The following ZRANB3 variants were observed in gnomAD, a reference collection of about 807,000 sequenced individuals.
ZRANB3 encodes the protein DNA annealing helicase and endonuclease ZRANB3.
Under a neutral mutation model 133.8 loss-of-function variants are expected in ZRANB3, and 125 were observed. That is an observed-to-expected ratio of 0.93 (90% CI 0.81 to 1.08). The LOEUF is 1.08. ZRANB3 is among the 50% of genes least tolerant of loss of function. The probability of loss-of-function intolerance (pLI) is 0.00; values close to 1 mark genes in which losing one functional copy is unlikely to be tolerated. For synonymous variants in ZRANB3, 387 were observed against 432.7 expected (o/e 0.89, Z 1.31); for missense variants, 1,229 against 1,275.5 (o/e 0.96, Z 0.56).
chr2:135,208,971 T>C lies in ZRANB3; in HGVS notation c.2503A>G (p.Thr835Ala). 6.2e-7 allele frequency: 1 copy of C among 1,613,804 alleles called. No individual in the cohort carries two copies. The highest frequency in any genetic ancestry group is 8.5e-7 in the Non-Finnish European group (1 of 1,179,730). Residue 835 changes from threonine to alanine, a missense_variant, in exon 18 of 21, where the codon ACC becomes GCC. Physicochemically the swap from Thr to Ala is moderately conservative, Grantham distance 58. Coordinates refer to ENST00000264159, the MANE Select transcript of ZRANB3 (RefSeq NM_032143.4). ...GAGGCTACGGCAACATCTTCTTTGGTTATGTATCTAAAACAATGATATGTT... is the reference window on the plus strand; with the variant it reads ...GAGGCTACGGCAACATCTTCTTTGGCTATGTATCTAAAACAATGATATGTT... ...TKQNCTKRYI[T>A]KEDVAVASMD...
intron 12 of ZRANB3, among the ~76,000 whole-genome samples, chr2:135,247,476 A>C (rs1306768857): frequency 6.6e-6 from 1 of 152,230 alleles, no homozygotes; most frequent in East Asian, 1.9e-4. Flanking sequence ...AAACAAAACA[A>C]AACACACAAA....
At chr2:135,489,106 T>C (rs891695364) in intron 2 of ZRANB3, among the ~76,000 whole-genome samples, 2 of 151,918 alleles carry the variant, frequency 1.3e-5, no homozygotes, top group Non-Finnish European at 2.9e-5. Context: ...TGTTTCTCAT[T>C]GAATGATGAG....
At chr2:135,206,597 TTGTAA>T (rs1258351720) in intron 19 of ZRANB3, among the ~76,000 whole-genome samples, 1 of 151,660 alleles carries the variant, frequency 6.6e-6, no homozygotes, top group Non-Finnish European at 1.5e-5. Context: ...AATTAAGGAA[TTGTAA>T]TTGTGTTGGG....
At chr2:135,427,047 C>T (rs1280200021) in intron 2 of ZRANB3, among the ~76,000 whole-genome samples, 3 of 150,250 alleles carry the variant, frequency 2.0e-5, no homozygotes, top group Non-Finnish European at 4.4e-5. Context: ...ACAAACTAGG[C>T]ATCAAAGTAA....
At chr2:135,283,532 G>C (rs60183118) in intron 8 of ZRANB3, among the ~76,000 whole-genome samples, 28,611 of 150,872 alleles carry the variant, frequency 0.19, 3,641 homozygotes, top group African/African-American at 0.33. Context: ...ATCACTTGAA[G>C]CCGGGAGGTA....
At chr2:135,269,234 G>T in intron 10 of ZRANB3, 93 bp from the exon 11 acceptor site, 2 of 1,055,336 alleles carry the variant, frequency 1.9e-6, no homozygotes, top group Non-Finnish European at 2.5e-6. Flanking sequence ...AACACTGAAG[G>T]ACTTGAAAAC....
chr2:135,303,026 G>A (rs928168331), intron 8 of ZRANB3, among the ~76,000 whole-genome samples: 4 of 152,090 alleles, frequency 2.6e-5, no homozygotes, highest in African/African-American at 9.7e-5. Context: ...ACAGTGAGAT[G>A]TTTAACAAAG....
intron 2 of ZRANB3, among the ~76,000 whole-genome samples, chr2:135,437,258 T>G (rs921329410): frequency 1.3e-5 from 2 of 152,198 alleles, no homozygotes; most frequent in African/African-American, 4.8e-5. Context: ...GGTGGCATAT[T>G]CTTGATATAG....
chr2:135,285,872 G>C (rs1681335237), intron 8 of ZRANB3, among the ~76,000 whole-genome samples: 1 of 152,082 alleles, frequency 6.6e-6, no homozygotes, highest in Admixed American at 6.5e-5. Flanking sequence ...TCACAAATCT[G>C]AAGAATTTGT....
rs376465730 is a variant in ZRANB3 at position 135,486,050 on chromosome 2, G to T, written c.161+18279C>A. On this transcript the variant is annotated intron_variant, in intron 2 of 20. Transcript: ENST00000264159. The stretch of plus-strand genomic sequence containing the variant: ...TATGGAGAGTGAAGGGTTTTACCTC[G>T]ACGATTGTTGATGGCTGCTGACTAA... Among the ~76,000 whole-genome samples the T allele has an allele frequency of 2.3e-4, 35 of 152,174 alleles. No homozygotes were observed. The East Asian group carries it at 3.5e-3, about 15-fold the overall frequency.
At chr2:135,348,426 T>G (rs1685046124) in intron 5 of ZRANB3, among the ~76,000 whole-genome samples, 1 of 152,132 alleles carries the variant, frequency 6.6e-6, no homozygotes, top group South Asian at 2.1e-4. Flanking sequence ...GTATTTACCC[T>G]TGCTTTGAAT....
intron 15 of ZRANB3, among the ~76,000 whole-genome samples, chr2:135,223,039 G>A (rs970541299): frequency 5.9e-5 from 9 of 151,908 alleles, no homozygotes; most frequent in African/African-American, 2.2e-4. Flanking sequence ...GGATCACAAG[G>A]TCAAGAGGTC....
chr2:135,234,144 C>T (rs146040969), intron 12 of ZRANB3, among the ~76,000 whole-genome samples: 4,047 of 152,222 alleles, frequency 0.027, 171 homozygotes, highest in African/African-American at 0.092. Context: ...CGTTGCAATC[C>T]TAGTCTCGGA....
intron 2 of ZRANB3, among the ~76,000 whole-genome samples, chr2:135,435,522 C>G (rs1689495107): frequency 6.6e-6 from 1 of 152,176 alleles, no homozygotes; most frequent in Non-Finnish European, 1.5e-5. Flanking sequence ...AATGGGATTG[C>G]TAAGTCGAAT....
At chr2:135,296,010 A>T (rs1276695279) in intron 8 of ZRANB3, among the ~76,000 whole-genome samples, 1 of 151,824 alleles carries the variant, frequency 6.6e-6, no homozygotes, top group Non-Finnish European at 1.5e-5. Context: ...TGCCCTTAAC[A>T]TTTTTTCCTT....
chr2:135,244,622 A>AATAC (rs1695706784), intron 12 of ZRANB3, among the ~76,000 whole-genome samples: 1 of 151,918 alleles, frequency 6.6e-6, no homozygotes, highest in African/African-American at 2.4e-5. Context: ...TAAATAAATA[A>AATAC]ATAAATAAAT....
At chr2:135,477,692 T>G (rs1163717097) in intron 2 of ZRANB3, among the ~76,000 whole-genome samples, 2 of 152,140 alleles carry the variant, frequency 1.3e-5, no homozygotes, top group African/African-American at 4.8e-5. Flanking sequence ...ACTAATGAAG[T>G]AGCATAAGAA....
At chr2:135,371,483 T>C (rs900748284) in intron 3 of ZRANB3, among the ~76,000 whole-genome samples, 4 of 152,234 alleles carry the variant, frequency 2.6e-5, no homozygotes, top group Non-Finnish European at 5.9e-5. Context: ...CCTCTGCTTT[T>C]CATTTCGAAT....
At chr2:135,380,254 C>T (rs1686629824) in intron 3 of ZRANB3, among the ~76,000 whole-genome samples, 1 of 152,134 alleles carries the variant, frequency 6.6e-6, no homozygotes, top group Non-Finnish European at 1.5e-5. Context: ...GACAGATCAG[C>T]AAGACAGAAG....
Sources: gnomAD v4.1 joint callset for allele counts (sites outside exome capture counted in the v4.1 genomes callset) on GRCh38, gnomAD v4.1.1 for gene constraint, MANE v1.5 for transcripts, NCBI Gene and HGNC (gene_info 2026-07-23, HGNC 2026-07-21) for gene names.